The following PTPRD variants were observed in gnomAD, a reference collection of about 807,000 sequenced individuals.
PTPRD encodes protein tyrosine phosphatase receptor type D.
PTPRD carries 34 observed loss-of-function variants against 214.5 expected under a neutral mutation model. The ratio of observed to expected loss-of-function variants is 0.16; its 90% CI spans 0.12 to 0.21. PTPRD has a LOEUF of 0.21. Among genes scored for constraint, PTPRD ranks in the 10% least tolerant of loss-of-function variants. The probability of loss-of-function intolerance (pLI) is 1.00; values close to 1 mark genes in which losing one functional copy is unlikely to be tolerated. For missense variants in PTPRD, 2,545 were observed against 2,398.7 expected (o/e 1.06, Z -1.27); for synonymous variants, 1,128 against 845.7 (o/e 1.33, Z -5.79).
intron 3 of PTPRD, among the ~76,000 whole-genome samples, chr9:10,192,548 G>A (rs2099370920): frequency 6.6e-6 from 1 of 151,416 alleles, no homozygotes; most frequent in African/African-American, 2.4e-5. Flanking sequence ...GGTTTCAATA[G>A]GAGGACAGTG....
intron 7 of PTPRD, among the ~76,000 whole-genome samples, chr9:9,631,279 T>C (rs2154359685): frequency 6.6e-6 from 1 of 150,840 alleles, no homozygotes; most frequent in East Asian, 1.9e-4. Context: ...GTATAGACTC[T>C]AATGTTACTC....
At chr9:9,942,890 G>T (rs1217972006) in intron 4 of PTPRD, among the ~76,000 whole-genome samples, 1 of 134,624 alleles carries the variant, frequency 7.4e-6, no homozygotes, top group Non-Finnish European at 1.5e-5. Flanking sequence ...ACATTGCTCT[G>T]AGTTGTTTTT....
At chr9:9,908,039 G>A (rs993555428) in intron 5 of PTPRD, among the ~76,000 whole-genome samples, 1 of 149,662 alleles carries the variant, frequency 6.7e-6, no homozygotes, top group Admixed American at 6.7e-5. Flanking sequence ...TATAATATGA[G>A]AACATATACA....
intron 5 of PTPRD, among the ~76,000 whole-genome samples, chr9:9,822,226 C>A (rs565115488): frequency 6.6e-6 from 1 of 150,638 alleles, no homozygotes; most frequent in African/African-American, 2.4e-5. Flanking sequence ...TCCTGGCCAA[C>A]ATGGTGAAAC....
chr9:10,120,383 A>C (rs1405653398), intron 3 of PTPRD, among the ~76,000 whole-genome samples: 1 of 151,996 alleles, frequency 6.6e-6, no homozygotes, highest in Non-Finnish European at 1.5e-5. Flanking sequence ...AGTACTTTTT[A>C]TCCTCACTTC....
At chr9:10,006,326 C>T (rs59397777) in intron 4 of PTPRD, among the ~76,000 whole-genome samples, 453 of 152,088 alleles carry the variant, frequency 3.0e-3, no homozygotes, top group African/African-American at 0.011. Context: ...CCCATTATTA[C>T]AATTTTTTCA....
At chr9:9,902,164 C>T (rs1183804185) in intron 5 of PTPRD, among the ~76,000 whole-genome samples, 2 of 152,084 alleles carry the variant, frequency 1.3e-5, no homozygotes, top group African/African-American at 2.4e-5. Flanking sequence ...ATTGTTGATT[C>T]TATTTTATAA....
intron 3 of PTPRD, among the ~76,000 whole-genome samples, chr9:10,259,224 C>T (rs562007450): frequency 5.9e-5 from 9 of 151,950 alleles, no homozygotes; most frequent in Non-Finnish European, 1.3e-4. Context: ...AGGGGTTTCA[C>T]CGTGTTAGTC....
intron 10 of PTPRD, among the ~76,000 whole-genome samples, chr9:9,049,249 GGAA>G (rs1426536269): frequency 6.6e-6 from 1 of 152,150 alleles, no homozygotes; most frequent in African/African-American, 2.4e-5. Context: ...CCTCTAGAAT[GGAA>G]GAACTGAGAA....
intron 9 of PTPRD, among the ~76,000 whole-genome samples, chr9:9,215,477 G>A (rs889890153): frequency 6.6e-6 from 1 of 152,076 alleles, no homozygotes; most frequent in Admixed American, 6.6e-5. Context: ...AAAATATAAG[G>A]ATTACAATGG....
At chr9:9,077,257 T>C (rs2099752628) in intron 10 of PTPRD, among the ~76,000 whole-genome samples, 1 of 151,924 alleles carries the variant, frequency 6.6e-6, no homozygotes. Context: ...TCTTCCATTC[T>C]GTGGGTTGTC....
At chr9:8,761,660 T>A (rs2094423121) in intron 11 of PTPRD, among the ~76,000 whole-genome samples, 1 of 152,072 alleles carries the variant, frequency 6.6e-6, no homozygotes, top group African/African-American at 2.4e-5. Flanking sequence ...ACTGTAAAGC[T>A]CATCTACATG....
intron 3 of PTPRD, among the ~76,000 whole-genome samples, chr9:10,237,625 G>A (rs914718331): frequency 6.6e-6 from 1 of 151,906 alleles, no homozygotes; most frequent in African/African-American, 2.4e-5. Context: ...GTACTATAGT[G>A]CCTAAGGCCA....
At chr9:9,570,208 T>C (rs555602994) in intron 8 of PTPRD, among the ~76,000 whole-genome samples, 20 of 151,686 alleles carry the variant, frequency 1.3e-4, no homozygotes, top group African/African-American at 4.8e-4. Context: ...ATTATCATCA[T>C]TATTATTATT....
intron 10 of PTPRD, among the ~76,000 whole-genome samples, chr9:9,100,485 T>C (rs1054543161): frequency 2.6e-5 from 4 of 152,166 alleles, no homozygotes; most frequent in South Asian, 2.1e-4. Context: ...TCTTCTTCTA[T>C]GATGGAACAG....
chr9:9,158,038 G>T (rs2099882824), intron 10 of PTPRD, among the ~76,000 whole-genome samples: 1 of 152,122 alleles, frequency 6.6e-6, no homozygotes, highest in African/African-American at 2.4e-5. Flanking sequence ...TCCCTGCAAA[G>T]GACGTGATCT....
At chr9:10,372,085 G>C (rs544977038) in intron 2 of PTPRD, among the ~76,000 whole-genome samples, 2 of 152,186 alleles carry the variant, frequency 1.3e-5, no homozygotes, top group South Asian at 2.1e-4. Flanking sequence ...CCAACACAAA[G>C]TCAGAGCAAG....
intron 35 of PTPRD, among the ~76,000 whole-genome samples, chr9:8,411,801 A>G (rs890575894): frequency 3.9e-5 from 6 of 152,210 alleles, no homozygotes; most frequent in Non-Finnish European, 5.9e-5. Context: ...ACAGATTTAT[A>G]GGTGATGTTC....
rs562706013 is a variant in PTPRD at position 9,382,239 on chromosome 9, A to C, written c.-203+15210T>G. Among the ~76,000 whole-genome samples, 4 of 152,208 alleles carry C rather than the reference A, an allele frequency of 2.6e-5. No homozygotes were observed. The East Asian group carries it at 7.7e-4, about 29-fold the overall frequency. On this transcript the variant is annotated intron_variant, in intron 9 of 45. Transcript: ENST00000381196. ...TTTATATGTTGATTTTATATATTACAACTTTGCTAAATTCATACATTAGTT... is the reference window on the plus strand; with the variant it reads ...TTTATATGTTGATTTTATATATTACCACTTTGCTAAATTCATACATTAGTT...
Sources: gnomAD v4.1 joint callset for allele counts (sites outside exome capture counted in the v4.1 genomes callset) on GRCh38, gnomAD v4.1.1 for gene constraint, MANE v1.5 for transcripts, NCBI Gene and HGNC (gene_info 2026-07-23, HGNC 2026-07-21) for gene names.